The following HAGH variants were observed in gnomAD, a reference collection of about 807,000 sequenced individuals.
HAGH encodes the protein hydroxyacylglutathione hydrolase, also known as hydroxyacylglutathione hydrolase, mitochondrial.
HAGH carries 29 observed loss-of-function variants against 35.1 expected under a neutral mutation model. That is an observed-to-expected ratio of 0.83 (90% CI 0.62 to 1.13). The LOEUF (loss-of-function observed/expected upper bound fraction) is 1.13. Among genes scored for constraint, HAGH ranks in the 50% most tolerant of loss-of-function variants. The pLI is 0.00. For missense variants in HAGH, 478 were observed against 419.6 expected (o/e 1.14, Z -1.22); for synonymous variants, 225 against 176.1 (o/e 1.28, Z -2.20).
chr16:1,812,906 A>C (rs138896210), intron 7 of HAGH, among the ~76,000 whole-genome samples: 590 of 152,278 alleles, frequency 3.9e-3, no homozygotes, highest in Non-Finnish European at 5.2e-3. Context: ...GGTGTGCCGA[A>C]AGACACGGAC....
intron 5 of HAGH, 69 bp from the exon 6 acceptor site, chr16:1,817,340 G>C: frequency 1.0e-6 from 1 of 977,866 alleles, no homozygotes; most frequent in Non-Finnish European, 1.6e-6. Context: ...GAGGGGGCCA[G>C]GAGCAGGGTG....
rs1623562 is a variant in HAGH at position 1,808,807 on chromosome 16, T to C, written c.*476A>G. 0.83 allele frequency: 127,823 copies of C among 153,586 alleles called. 53,297 individuals carry two copies. Among genetic ancestry groups the C allele is most frequent in the Middle Eastern group, 0.89 (270 of 304 alleles). 9.5% of individuals were successfully genotyped at this position (153,586 alleles called of 1,614,324 possible). A position where few individuals can be genotyped will look rare whatever the true frequency, so the allele number is the denominator to read the frequency against. On this transcript the variant is annotated 3_prime_UTR_variant, in exon 9 of 9. Transcript: ENST00000397356. ...GCAGAGGCAGGTGGGTGCTGCCGAG[T>C]AGGAGCACTGCCTGGAGGTCGCGCG...
intron 1 of HAGH, among the ~76,000 whole-genome samples, chr16:1,824,220 A>C (rs1430054135): frequency 1.1e-5 from 1 of 93,176 alleles, no homozygotes; most frequent in East Asian, 3.3e-4. Flanking sequence ...AGACAGTCTC[A>C]AAAAAAAAAA....
chr16:1,820,778 G>A (rs1333762237), intron 3 of HAGH, among the ~76,000 whole-genome samples: 2 of 152,142 alleles, frequency 1.3e-5, no homozygotes, highest in African/African-American at 2.4e-5. Flanking sequence ...AAGATAACAG[G>A]GTGGAGTGGT....
At chr16:1,819,055 G>A in intron 5 of HAGH, 60 bp downstream of exon 5, 1 of 1,070,696 alleles carries the variant, frequency 9.3e-7, no homozygotes, top group Middle Eastern at 2.5e-4. Context: ...GAGCCTGCCT[G>A]GCAGGAGACA....
chr16:1,820,637 G>A (rs896029978), intron 3 of HAGH, among the ~76,000 whole-genome samples: 3 of 152,158 alleles, frequency 2.0e-5, no homozygotes, highest in African/African-American at 4.8e-5. Flanking sequence ...TGCCTGACCC[G>A]CAGTTCAGAA....
At chr16:1,809,563 C>A in intron 8 of HAGH, 181 bp from the exon 9 acceptor site, 1 of 663,376 alleles carries the variant, frequency 1.5e-6, no homozygotes, top group Non-Finnish European at 2.6e-6. Context: ...CAGAAGGACT[C>A]ACACCCCGGC....
chr16:1,815,116 A>AACCCCACTAGT (rs55705942), intron 7 of HAGH, among the ~76,000 whole-genome samples: 145,034 of 152,028 alleles, frequency 0.95, 69,508 homozygotes, highest in Non-Finnish European at 1. Flanking sequence ...AAAGATGGTC[A>AACCCCACTAGT]CATGGGGAAA....
chr16:1,821,934 G>GTTTTTTTTTTTTTTTTTTTTTT (rs764064407), intron 3 of HAGH: 1 of 149,914 alleles, frequency 6.7e-6, no homozygotes, highest in African/African-American at 3.1e-5. Flanking sequence ...CTGGCTGCTT[G>GTTTTTTTTTTTTTTTTTTTTTT]TTTTTTTTTG....
intron 7 of HAGH, among the ~76,000 whole-genome samples, chr16:1,816,650 G>A (rs533292808): frequency 6.6e-6 from 1 of 152,350 alleles, no homozygotes; most frequent in East Asian, 1.9e-4. Context: ...CAGAATGTGG[G>A]AACAGGCTGG....
At position 1,823,275 on chromosome 16, in the gene HAGH, C is replaced by CTTTT. The variant is rs4017982; in HGVS notation, c.77-242_77-239dup. Reference sequence around the variant, plus strand: ...AGCAAGACCTTGTCTTTTTTTTTTTCTTTTTTTTTTGAGACGGAGTCTCGC... The same window carrying CTTTT: ...AGCAAGACCTTGTCTTTTTTTTTTTCTTTTTTTTTTTTTTGAGACGGAGTCTCGC... On this transcript the variant is annotated intron_variant, in intron 1 of 8. Transcript: ENST00000397356. Among the ~76,000 whole-genome samples the CTTTT allele has an allele frequency of 2.1e-5, 3 of 141,704 alleles. 1 individual carries two copies. The highest frequency in any genetic ancestry group is 5.2e-5 in the African/African-American group (2 of 38,754). The allele number at this position is 141,704 out of a possible 152,430, so 93.0% of individuals were successfully genotyped here. A position where few individuals can be genotyped will look rare whatever the true frequency, so the allele number is the denominator to read the frequency against.
chr16:1,815,932 ATTTTTTTTTTTTTTTT>A (rs61101799), intron 7 of HAGH, among the ~76,000 whole-genome samples: 1 of 102,216 alleles, frequency 9.8e-6, no homozygotes, highest in African/African-American at 3.8e-5. Context: ...GGCAGGGAGA[ATTTTTTTTTTTTTTTT>A]TTTTTTTTTT....
intron 6 of HAGH, 75 bp from the exon 7 acceptor site, chr16:1,817,069 G>T: frequency 7.5e-7 from 1 of 1,330,076 alleles, no homozygotes; most frequent in Non-Finnish European, 1.1e-6. Context: ...GGACCTGGAT[G>T]CCCCCGGGGG....
chr16:1,817,946 C>T (rs909404737), intron 5 of HAGH, among the ~76,000 whole-genome samples: 5 of 125,788 alleles, frequency 4.0e-5, no homozygotes, highest in African/African-American at 1.7e-4. Context: ...CGCCCCACTT[C>T]TCACCACCTG....
rs1344340466 is a variant in HAGH at position 1,822,807 on chromosome 16, G to T, written c.249+58C>A. On this transcript the variant is annotated intron_variant, in intron 2 of 8. Coordinates refer to ENST00000397356, the MANE Select transcript of HAGH (RefSeq NM_005326.6). ...CACTGCGGTTAGGAAACCCATCGGG[G>T]GTGAGGACTCCGAGCTGGGTGACCA... is the stretch of plus-strand genomic sequence containing the variant. The T allele has an allele frequency of 3.4e-6, 5 of 1,454,330 alleles. No individual in the cohort carries two copies. The Admixed American group carries it at 5.0e-5, about 15-fold the overall frequency. 90.1% of individuals were successfully genotyped at this position (1,454,330 alleles called of 1,614,324 possible).
At chr16:1,810,757 C>G (rs181774746) in intron 7 of HAGH, 5 of 152,350 alleles carry the variant, frequency 3.3e-5, no homozygotes, top group African/African-American at 1.2e-4. Flanking sequence ...AAGACCACCG[C>G]GCCTCACCCC....
At chr16:1,815,750 G>A (rs117538845) in intron 7 of HAGH, among the ~76,000 whole-genome samples, 2,074 of 152,204 alleles carry the variant, frequency 0.014, 18 homozygotes, top group Non-Finnish European at 0.021. Flanking sequence ...CAGGTGACGT[G>A]GCTCACGCCT....
At chr16:1,814,765 A>G (rs1014977172) in intron 7 of HAGH, among the ~76,000 whole-genome samples, 18 of 150,898 alleles carry the variant, frequency 1.2e-4, no homozygotes, top group Non-Finnish European at 2.7e-4. Flanking sequence ...GGGCGTGGTG[A>G]CGGGCACCTG....
intron 4 of HAGH, 121 bp downstream of exon 4, chr16:1,819,776 G>A (rs1355664136): frequency 2.8e-6 from 2 of 719,376 alleles, no homozygotes; most frequent in South Asian, 3.0e-5. Flanking sequence ...TGCCACAGAG[G>A]ACCACTGAGA....
Sources: allele counts gnomAD v4.1 joint callset (sites outside exome capture counted in the v4.1 genomes callset), GRCh38; gene constraint gnomAD v4.1.1; transcripts MANE v1.5; gene names NCBI Gene and HGNC (gene_info 2026-07-23, HGNC 2026-07-21).